Variants in SGCZ observed in about 807,000 individuals in gnomAD.
SGCZ encodes the protein zeta-sarcoglycan.
In SGCZ, 40 loss-of-function variants were observed where a neutral mutation model predicts 41.3. The observed-to-expected ratio is 0.97, with a 90% CI of 0.75 to 1.26. SGCZ has a LOEUF of 1.26. SGCZ is among the 50% of genes most tolerant of loss of function. The probability of loss-of-function intolerance (pLI) is 0.00; values close to 1 mark genes in which losing one functional copy is unlikely to be tolerated. For missense variants in SGCZ, 552 were observed against 369.8 expected (o/e 1.49, Z -4.04); for synonymous variants, 206 against 137.5 (o/e 1.50, Z -3.49).
At chr8:15,061,658 A>T (rs1169459978) in intron 1 of SGCZ, among the ~76,000 whole-genome samples, 1 of 151,358 alleles carries the variant, frequency 6.6e-6, no homozygotes, top group Non-Finnish European at 1.5e-5. Context: ...ACATCTTGCC[A>T]TGTGAGGATA....
At chr8:14,827,834 A>T (rs928233270) in intron 1 of SGCZ, among the ~76,000 whole-genome samples, 2 of 152,198 alleles carry the variant, frequency 1.3e-5, no homozygotes, top group African/African-American at 4.8e-5. Flanking sequence ...ATACATAAAC[A>T]CACATTAATA....
chr8:14,572,811 C>T (rs1244898983), intron 1 of SGCZ, among the ~76,000 whole-genome samples: 1 of 152,082 alleles, frequency 6.6e-6, no homozygotes, highest in Non-Finnish European at 1.5e-5. Context: ...ACTCAAAGTC[C>T]CACAAATGAA....
chr8:14,725,870 T>G (rs1362845297), intron 1 of SGCZ, among the ~76,000 whole-genome samples: 1 of 152,176 alleles, frequency 6.6e-6, no homozygotes, highest in Non-Finnish European at 1.5e-5. Flanking sequence ...GGAAAGGCGA[T>G]TACTAAAAAA....
At chr8:14,771,164 A>C (rs1490218397) in intron 1 of SGCZ, among the ~76,000 whole-genome samples, 5 of 151,544 alleles carry the variant, frequency 3.3e-5, no homozygotes, top group Non-Finnish European at 5.9e-5. Flanking sequence ...GACAGAACTA[A>C]CTACCCAAGG....
At chr8:14,757,461 G>C (rs955416210) in intron 1 of SGCZ, among the ~76,000 whole-genome samples, 2 of 152,162 alleles carry the variant, frequency 1.3e-5, no homozygotes, top group Non-Finnish European at 2.9e-5. Flanking sequence ...AACCACTACC[G>C]ATGCCTCTTT....
At chr8:15,033,003 G>A (rs1350232409) in intron 1 of SGCZ, among the ~76,000 whole-genome samples, 1 of 151,936 alleles carries the variant, frequency 6.6e-6, no homozygotes, top group Admixed American at 6.6e-5. Flanking sequence ...CTACTCCAAG[G>A]CAACAGGCCA....
At chr8:14,803,286 C>T (rs1056013504) in intron 1 of SGCZ, among the ~76,000 whole-genome samples, 2 of 152,194 alleles carry the variant, frequency 1.3e-5, no homozygotes, top group South Asian at 2.1e-4. Context: ...ACGCAGAAGA[C>T]GGGTGATTTC....
chr8:14,542,639 C>G (rs1004787326), intron 2 of SGCZ, among the ~76,000 whole-genome samples: 3 of 152,024 alleles, frequency 2.0e-5, no homozygotes, highest in East Asian at 3.9e-4. Context: ...TCTCTTAAAC[C>G]AAATTGGTGT....
At chr8:14,436,212 AGC>A (rs1800086662) in intron 2 of SGCZ, among the ~76,000 whole-genome samples, 1 of 152,184 alleles carries the variant, frequency 6.6e-6, no homozygotes, top group African/African-American at 2.4e-5. Flanking sequence ...GAAGCCAATG[AGC>A]CACGGAACTC....
chr8:14,620,100 C>A (rs1437114554), intron 1 of SGCZ, among the ~76,000 whole-genome samples: 3 of 152,086 alleles, frequency 2.0e-5, no homozygotes, highest in Non-Finnish European at 4.4e-5. Context: ...AGATATAGAC[C>A]AATGGAACAG....
chr8:14,819,150 G>C (rs1329317414), intron 1 of SGCZ, among the ~76,000 whole-genome samples: 3 of 149,378 alleles, frequency 2.0e-5, no homozygotes, highest in African/African-American at 7.5e-5. Context: ...AAAAGTAAAA[G>C]TAAAAGTAGA....
chr8:14,394,068 G>T (rs7831148), intron 2 of SGCZ, among the ~76,000 whole-genome samples: 25,422 of 151,246 alleles, frequency 0.17, 5,050 homozygotes, highest in African/African-American at 0.48. Flanking sequence ...TATGTTCGCA[G>T]GAAAACAGAT....
intron 1 of SGCZ, among the ~76,000 whole-genome samples, chr8:14,908,184 A>C (rs897716307): frequency 1.3e-5 from 2 of 152,294 alleles, no homozygotes; most frequent in South Asian, 2.1e-4. Flanking sequence ...ACAATTATAT[A>C]ATATTTTTAG....
At chr8:14,828,252 G>A (rs1368956216) in intron 1 of SGCZ, among the ~76,000 whole-genome samples, 1 of 152,118 alleles carries the variant, frequency 6.6e-6, no homozygotes, top group Non-Finnish European at 1.5e-5. Flanking sequence ...GGGATGAGAT[G>A]ATATTGAAGA....
chr8:15,150,518 G>A (rs561738788), intron 1 of SGCZ, among the ~76,000 whole-genome samples: 3 of 152,032 alleles, frequency 2.0e-5, no homozygotes, highest in Admixed American at 6.5e-5. Context: ...CCCTACTCAC[G>A]CACAGAGTTG....
intron 2 of SGCZ, among the ~76,000 whole-genome samples, chr8:14,449,601 C>T (rs928964215): frequency 1.3e-4 from 20 of 152,130 alleles, no homozygotes; most frequent in African/African-American, 4.8e-4. Context: ...CTCCCTCCAT[C>T]GTCCCTCCAC....
intron 2 of SGCZ, among the ~76,000 whole-genome samples, chr8:14,411,868 T>C (rs1360210875): frequency 6.6e-6 from 1 of 152,108 alleles, no homozygotes; most frequent in Non-Finnish European, 1.5e-5. Context: ...TTCTATTTGA[T>C]GGAACGGAAG....
chr8:14,622,270 T>C (rs1806311297), intron 1 of SGCZ, among the ~76,000 whole-genome samples: 1 of 152,164 alleles, frequency 6.6e-6, no homozygotes, highest in South Asian at 2.1e-4. Context: ...AACTGTTAAA[T>C]GTGGCTGACA....
At chr8:14,809,495 C>G (rs1801674423) in intron 1 of SGCZ, among the ~76,000 whole-genome samples, 1 of 152,056 alleles carries the variant, frequency 6.6e-6, no homozygotes, top group Admixed American at 6.6e-5. Context: ...ATAGAAACCA[C>G]TTGGTATGGT....
Sources: allele counts gnomAD v4.1 joint callset (sites outside exome capture counted in the v4.1 genomes callset), GRCh38; gene constraint gnomAD v4.1.1; transcripts MANE v1.5; gene names NCBI Gene and HGNC (gene_info 2026-07-23, HGNC 2026-07-21).